Variants in ATP13A4 observed in about 807,000 individuals in gnomAD.
The protein encoded by ATP13A4 is ATPase 13A4.
Under a neutral mutation model 142.5 loss-of-function variants are expected in ATP13A4, and 114 were observed. The ratio of observed to expected loss-of-function variants is 0.80; its 90% confidence interval spans 0.69 to 0.93. ATP13A4 has a LOEUF of 0.93. ATP13A4 is among the 40% of genes least tolerant of loss of function. The pLI, the probability that ATP13A4 is intolerant of heterozygous loss-of-function variation, is 0.00. For synonymous variants in ATP13A4, 488 were observed against 514.8 expected (o/e 0.95, Z 0.70); for missense variants, 1,392 against 1,454.0 (o/e 0.96, Z 0.69).
At chr3:193,459,355 C>A in intron 13 of ATP13A4, 124 bp from the exon 14 acceptor site, 1 of 1,182,146 alleles carries the variant, frequency 8.5e-7, no homozygotes, top group Non-Finnish European at 1.2e-6. Context: ...AATAGCCACT[C>A]TCCAATCCTC....
At chr3:193,512,107 C>A (rs994861956) in intron 2 of ATP13A4, among the ~76,000 whole-genome samples, 7 of 152,148 alleles carry the variant, frequency 4.6e-5, no homozygotes, top group Admixed American at 4.6e-4. Context: ...GCTGATGGAC[C>A]CTGCAAGGCA....
intron 1 of ATP13A4, among the ~76,000 whole-genome samples, chr3:193,542,787 T>G (rs1215770530): frequency 6.6e-6 from 1 of 152,186 alleles, no homozygotes; most frequent in Non-Finnish European, 1.5e-5. Context: ...TGCAGAAAAT[T>G]GAAACTGGAC....
At chr3:193,568,046 G>A (rs1028514608) in intron 2 of ATP13A4, among the ~76,000 whole-genome samples, 17 of 151,568 alleles carry the variant, frequency 1.1e-4, no homozygotes, top group Non-Finnish European at 2.4e-4. Context: ...TGCAACCTCC[G>A]TCTCCCGGGT....
chr3:193,525,540 A>G (rs1721952756), intron 1 of ATP13A4, among the ~76,000 whole-genome samples: 1 of 152,160 alleles, frequency 6.6e-6, no homozygotes, highest in Admixed American at 6.5e-5. Flanking sequence ...CTGATCATGG[A>G]CCCCTTCTAC....
upstream of ATP13A4, among the ~76,000 whole-genome samples, chr3:193,555,894 G>A (rs181422972): frequency 3.3e-5 from 5 of 152,258 alleles, no homozygotes; most frequent in Admixed American, 6.5e-5. Flanking sequence ...TATAGGAACC[G>A]GCTCTTCTCA....
intron 2 of ATP13A4, among the ~76,000 whole-genome samples, chr3:193,513,848 C>T (rs576998337): frequency 1.1e-4 from 16 of 152,304 alleles, no homozygotes; most frequent in Admixed American, 1.3e-4. Flanking sequence ...CCCACCCCTT[C>T]CCTTCTTTTC....
At chr3:193,433,820 G>A (rs1267728910) in intron 25 of ATP13A4, 25 bp downstream of exon 25, 3 of 1,589,036 alleles carry the variant, frequency 1.9e-6, no homozygotes, top group Admixed American at 1.7e-5. Context: ...AGCACCTCTG[G>A]TAAGAAAGTT....
intron 3 of ATP13A4, among the ~76,000 whole-genome samples, chr3:193,502,069 G>A (rs1720578843): frequency 6.6e-6 from 1 of 152,150 alleles, no homozygotes. Context: ...TGAGGCTGTA[G>A]TGTATTATAA....
At chr3:193,511,480 G>A (rs1721137306) in intron 2 of ATP13A4, among the ~76,000 whole-genome samples, 1 of 152,150 alleles carries the variant, frequency 6.6e-6, no homozygotes, top group African/African-American at 2.4e-5. Context: ...TGGGTAATTA[G>A]GAAAAGGCAC....
intron 9 of ATP13A4, 89 bp from the exon 10 acceptor site, chr3:193,467,575 T>C: frequency 4.4e-6 from 6 of 1,376,274 alleles, no homozygotes; most frequent in Non-Finnish European, 6.2e-6. Flanking sequence ...CAACAGACAT[T>C]TTTTTTGTGA....
rs146217259 is a variant in ATP13A4, at chr3:193,457,395, C to A, written c.1745G>T (p.Cys582Phe). The A allele has an allele frequency of 6.2e-7, 1 of 1,614,204 alleles. No homozygotes were observed. The highest frequency in any genetic ancestry group is 8.5e-7 in the Non-Finnish European group (1 of 1,180,038). The part of the protein sequence containing the change: ...VPAHAMVVKP[C>F]RTASQVPVEG... ...AGGGCTTACCTGGCTGGCTGTTCTGCAGGGCTTAACTACCATGGCATGTGC... is the reference window on the plus strand; with the variant it reads ...AGGGCTTACCTGGCTGGCTGTTCTGAAGGGCTTAACTACCATGGCATGTGC... The change falls in exon 15 of 30, where the codon TGC becomes TTC. Residue 582 changes from cysteine (C) to phenylalanine (F), a missense_variant. Physicochemically the swap from Cys to Phe is radical, Grantham distance 205. Coordinates refer to ENST00000342695, the MANE Select transcript of ATP13A4 (RefSeq NM_032279.4).
At position 193,582,697 on chromosome 3, in the gene ATP13A4, ACATATAT is replaced by A. The variant is rs1560290991; in HGVS notation, n.92-798_92-792del. 1.3e-3 allele frequency among the ~76,000 whole-genome samples: 80 copies of A among 61,522 alleles called. 18 individuals carry two copies. The highest frequency in any genetic ancestry group is 6.2e-3 in the African/African-American group (70 of 11,310). The allele number at this position is 61,522 out of a possible 152,430, so 40.4% of individuals were successfully genotyped here. A position where few individuals can be genotyped will look rare whatever the true frequency, so the allele number is the denominator to read the frequency against. On this transcript the variant is annotated intron_variant and non_coding_transcript_variant, in intron 1 of 3. Coordinates refer to the ATP13A4 transcript ENST00000489140. ...TACATATATATTATATATGTGTATA[ACATATAT>A]AATATATATGTATATTACATATATA...
chr3:193,484,357 G>C (rs1361747238), intron 7 of ATP13A4, among the ~76,000 whole-genome samples: 1 of 136,466 alleles, frequency 7.3e-6, no homozygotes, highest in Non-Finnish European at 1.6e-5. Flanking sequence ...AAATAAATAA[G>C]GAGTATGGTG....
chr3:193,404,278 G>C (rs889714830), intron 29 of ATP13A4: 84 of 423,106 alleles, frequency 2.0e-4, no homozygotes, highest in African/African-American at 1.6e-3. Context: ...CACACACAGA[G>C]AGAGAAACTT....
chr3:193,402,570 GA>G lies in ATP13A4; in HGVS notation c.*81del, dbSNP rs142743757. On this transcript the variant is annotated 3_prime_UTR_variant, in exon 30 of 30. Transcript: ENST00000342695. Reference sequence around the variant, plus strand: ...CCCAAAACTCCAGCTGATGTTACAAGAGTCTCATTTCTTAAAATCAATGAAA... The same window carrying G: ...CCCAAAACTCCAGCTGATGTTACAAGGTCTCATTTCTTAAAATCAATGAAA... 130,786 of 759,922 alleles carry G rather than the reference GA, an allele frequency of 0.17. 11,648 individuals carry two copies. Among genetic ancestry groups the G allele is most frequent in the Admixed American group, 0.24 (13,353 of 56,062 alleles). 47.1% of individuals were successfully genotyped at this position (759,922 alleles called of 1,614,324 possible).
In ATP13A4 at chr3:193,402,788, C is replaced by T. The variant is rs373144890; in HGVS notation, c.3455G>A (p.Arg1152Gln). 2.9e-5 allele frequency: 47 copies of T among 1,614,012 alleles called. No individual in the cohort carries two copies. The highest frequency in any genetic ancestry group is 5.5e-5 in the South Asian group (5 of 91,090). Residue 1152 changes from arginine to glutamine, a missense_variant, in exon 30 of 30, where the codon CGG (arginine) becomes CAG (glutamine). Coordinates refer to ENST00000342695, the MANE Select transcript of ATP13A4 (RefSeq NM_032279.4). ...CFGYQSKSQY[R>Q]IWQRDLANDP... ...ATTTGCCAAGTCCCTCTGCCATATC[C>T]GATACTGGCTTTTTGACTGATAGCC...
intron 8 of ATP13A4, among the ~76,000 whole-genome samples, chr3:193,482,346 T>A (rs1218580200): frequency 6.6e-6 from 1 of 152,138 alleles, no homozygotes; most frequent in African/African-American, 2.4e-5. Flanking sequence ...CAGAAAATCA[T>A]GGTGACCTTA....
chr3:193,426,770 G>A (rs1715688374), intron 25 of ATP13A4, among the ~76,000 whole-genome samples: 1 of 151,830 alleles, frequency 6.6e-6, no homozygotes, highest in African/African-American at 2.4e-5. Flanking sequence ...TCAACAAGCT[G>A]GGACAACCAG....
At chr3:193,577,107 C>T (rs1180124451) in intron 2 of ATP13A4, among the ~76,000 whole-genome samples, 4 of 152,216 alleles carry the variant, frequency 2.6e-5, no homozygotes, top group Non-Finnish European at 4.4e-5. Flanking sequence ...AAGAGGCCTC[C>T]TGGTTTTAGT....
Sources: gnomAD v4.1 joint callset for allele counts (sites outside exome capture counted in the v4.1 genomes callset) on GRCh38, gnomAD v4.1.1 for gene constraint, MANE v1.5 for transcripts, NCBI Gene and HGNC (gene_info 2026-07-23, HGNC 2026-07-21) for gene names.